The following ARHGAP45 variants were observed in gnomAD, a reference collection of about 807,000 sequenced individuals.
The protein encoded by ARHGAP45 is rho GTPase-activating protein 45.
Under a neutral mutation model 116.1 loss-of-function variants are expected in ARHGAP45, and 56 were observed. The ratio of observed to expected loss-of-function variants is 0.48; its 90% CI spans 0.39 to 0.60. The LOEUF (loss-of-function observed/expected upper bound fraction) is 0.60, where lower values mean the gene tolerates loss of function less well. Ranked by LOEUF, ARHGAP45 falls within the 20% of genes least tolerant of loss-of-function variation. ARHGAP45 has a pLI of 0.00. For missense variants in ARHGAP45, 1,622 were observed against 1,601.0 expected (o/e 1.01, Z -0.22); for synonymous variants, 866 against 701.7 (o/e 1.23, Z -3.70).
chr19:1,080,303 G>A lies in ARHGAP45; in HGVS notation c.1752G>A (p.Val584=). The stretch of plus-strand genomic sequence containing the variant: ...AGAGCAGCTTCAACGTGAGTGATGT[G>A]GCGCGGCCGGAGGCTGCCGGGAGCC... The part of the protein sequence containing the change: ...ARKSSFNVSD[V]ARPEAAGSPP... Residue 584 remains valine (V), a synonymous_variant, in exon 14 of 23, where the codon GTG becomes GTA. Coordinates refer to ENST00000313093, the MANE Select transcript of ARHGAP45 (RefSeq NM_012292.5). The A allele has an allele frequency of 1.2e-6, 2 of 1,612,288 alleles. No homozygotes were observed. The highest frequency in any genetic ancestry group is 2.2e-5 in the South Asian group (2 of 91,074).
rs1168888958 is a variant in ARHGAP45 at position 1,069,519 on chromosome 19, G to A, written c.421+775G>A. 6.6e-6 allele frequency among the ~76,000 whole-genome samples: 1 copy of A among 151,998 alleles called. No homozygotes were observed. Among genetic ancestry groups the A allele is most frequent in the Non-Finnish European group, 1.5e-5 (1 of 68,038 alleles). ...CAGATGACGAAACTAAGTCTCTAGT[G>A]AGGCCCTGACCCCTGGCTCACCCAG... On this transcript the variant is annotated intron_variant, in intron 2 of 22. Coordinates refer to ENST00000313093, the MANE Select transcript of ARHGAP45 (RefSeq NM_012292.5). The surrounding 1 kb of genome is among the most constrained non-coding windows in gnomAD (Gnocchi z 4.1).
chr19:1,071,156 AC>A lies in ARHGAP45; in HGVS notation c.422-1989del. The stretch of plus-strand genomic sequence containing the variant: ...AAGGACCCAGGCTGGGGCGAACGGG[AC>A]CCCAGGGCGGGGTTTCCCTCGCGGG... On this transcript the variant is annotated intron_variant, in intron 2 of 22. Coordinates refer to ENST00000313093, the MANE Select transcript of ARHGAP45 (RefSeq NM_012292.5). The surrounding 1 kb of genome is among the most constrained non-coding windows in gnomAD (Gnocchi z 4.6). 7.7e-7 allele frequency: 1 copy of A among 1,305,276 alleles called. No homozygotes were observed. The highest frequency in any genetic ancestry group is 4.0e-5 in the Admixed American group (1 of 25,166). 80.9% of individuals were successfully genotyped at this position (1,305,276 alleles called of 1,614,324 possible).
intron 16 of ARHGAP45, 39 bp from the exon 17 acceptor site, chr19:1,080,853 A>G (rs2043413089): frequency 6.2e-7 from 1 of 1,606,808 alleles, no homozygotes; most frequent in African/African-American, 1.3e-5. Context: ...CCTGGCCCTG[A>G]GCTGCCTTGG....
chr19:1,077,065 G>T, intron 10 of ARHGAP45: 1 of 985,282 alleles, frequency 1.0e-6, no homozygotes, highest in Non-Finnish European at 1.2e-6. Flanking sequence ...TTGTTTGTGT[G>T]CGAATCTGAT....
At chr19:1,082,149 C>T (rs1359218079) in intron 19 of ARHGAP45, among the ~76,000 whole-genome samples, 188 bp downstream of exon 19, 3 of 146,872 alleles carry the variant, frequency 2.0e-5, no homozygotes, top group Admixed American at 6.8e-5. Flanking sequence ...GGGGCGTGGT[C>T]ACGGTAGGAG....
intron 10 of ARHGAP45, 117 bp from the exon 11 acceptor site, chr19:1,077,740 C>G (rs1172354720): frequency 1.3e-6 from 2 of 1,530,624 alleles, no homozygotes; most frequent in South Asian, 1.2e-5. Context: ...GCATGCCCAG[C>G]TGGGCCATGG....
At position 1,083,474 on chromosome 19, in the gene ARHGAP45, A is replaced by G. The variant is rs2077259106; in HGVS notation, c.2955+121A>G. The G allele has an allele frequency of 3.4e-6, 3 of 879,990 alleles. No individual in the cohort carries two copies. In the Admixed American group the frequency reaches 7.4e-5, roughly 22 times the overall value. 54.5% of individuals were successfully genotyped at this position (879,990 alleles called of 1,614,324 possible). On this transcript the variant is annotated intron_variant, in intron 21 of 22. Coordinates refer to ENST00000313093, the MANE Select transcript of ARHGAP45 (RefSeq NM_012292.5). Reference sequence around the variant, plus strand: ...CACAGGGAGATAATTTGGTTTGGACAGGGCTGTTCGGGAGGCCACTGTCTT... The same window carrying G: ...CACAGGGAGATAATTTGGTTTGGACGGGGCTGTTCGGGAGGCCACTGTCTT...
In ARHGAP45 at chr19:1,085,650, C is replaced by T. The variant is rs1360814393; in HGVS notation, c.3065-10C>T. On this transcript the variant is annotated splice_polypyrimidine_tract_variant and intron_variant, in intron 22 of 22. Transcript: ENST00000313093. ...TCTGTCTCCCCCCGCCATCTGTCTCCCTTTCTTAGAATCCCGAGTTGTGTC... is the reference window on the plus strand; with the variant it reads ...TCTGTCTCCCCCCGCCATCTGTCTCTCTTTCTTAGAATCCCGAGTTGTGTC... The T allele has an allele frequency of 3.2e-6, 5 of 1,544,282 alleles. No individual in the cohort carries two copies. In the East Asian group the frequency reaches 6.9e-5, roughly 21 times the overall value.
chr19:1,070,455 C>T (rs2043119674), intron 2 of ARHGAP45, among the ~76,000 whole-genome samples: 1 of 149,396 alleles, frequency 6.7e-6, no homozygotes, highest in South Asian at 2.1e-4. Flanking sequence ...CTCAGCCTCC[C>T]GAGTGGCTGG....
In ARHGAP45 at chr19:1,085,399, GAC is replaced by G. The variant is rs372652936; in HGVS notation, c.3065-257_3065-256del. ...AGCTACAAGATGAGGTTTGGGTGGG[GAC>G]ACAGAGCCAGACCCTATCAACACCT... On this transcript the variant is annotated intron_variant, in intron 22 of 22. Coordinates refer to ENST00000313093, the MANE Select transcript of ARHGAP45 (RefSeq NM_012292.5). Among the ~76,000 whole-genome samples, 98 of 152,132 alleles carry G rather than the reference GAC, an allele frequency of 6.4e-4. No homozygotes were observed. The East Asian group carries it at 0.015, about 24-fold the overall frequency.
chr19:1,083,491 C>T (rs2043508173), intron 21 of ARHGAP45, 138 bp downstream of exon 21: 1 of 732,632 alleles, frequency 1.4e-6, no homozygotes. Context: ...TTCGGGAGGC[C>T]ACTGTCTTTT....
At chr19:1,067,161 G>T, upstream of ARHGAP45, 1 of 1,220,594 alleles carries the variant, frequency 8.2e-7, no homozygotes, top group East Asian at 3.5e-5. Context: ...CCTCACCTTC[G>T]CGCCCACTCC....
At position 1,074,895 on chromosome 19, in the gene ARHGAP45, G is replaced by A. The variant is rs1200810847; in HGVS notation, c.1185+16G>A. The A allele has an allele frequency of 5.5e-6, 8 of 1,455,300 alleles. No individual in the cohort carries two copies. The highest frequency in any genetic ancestry group is 7.4e-6 in the Non-Finnish European group (8 of 1,079,772). The allele number at this position is 1,455,300 out of a possible 1,614,324, so 90.1% of individuals were successfully genotyped here. ...GAGGAAGCTGGTGAGGCGGGCGGGC[G>A]GGGGCGGGCGGGGGCGGGCAGCGGG... On this transcript the variant is annotated intron_variant, in intron 10 of 22. Transcript: ENST00000313093.
chr19:1,074,019 G>A lies in ARHGAP45; in HGVS notation c.790+5G>A. Reference sequence around the variant, plus strand: ...GCCTGGAAGACTGTGACGCCGGTAAGCCCCCACCCAGCGGCAGGCAGGCAT... The same window carrying A: ...GCCTGGAAGACTGTGACGCCGGTAAACCCCCACCCAGCGGCAGGCAGGCAT... On this transcript the variant is annotated splice_donor_5th_base_variant and intron_variant, in intron 6 of 22. Transcript: ENST00000313093. 6.3e-7 allele frequency: 1 copy of A among 1,597,248 alleles called. No homozygotes were observed. Among genetic ancestry groups the A allele is most frequent in the South Asian group, 1.1e-5 (1 of 89,048 alleles).
chr19:1,082,252 A>G (rs1599770635), intron 19 of ARHGAP45, among the ~76,000 whole-genome samples: 1 of 101,398 alleles, frequency 9.9e-6, no homozygotes, highest in African/African-American at 3.8e-5. Context: ...TGGCCACGGC[A>G]GAGGCACACC....
Position 1,071,293 on chromosome 19 carries a change from G to C in ARHGAP45, c.422-1856G>C. ...CCGCGCCCCGACGGCTGCGCCATGT[G>C]TATCTGCGGGACGGCGCACCCGGTG... On this transcript the variant is annotated intron_variant, in intron 2 of 22. Coordinates refer to ENST00000313093, the MANE Select transcript of ARHGAP45 (RefSeq NM_012292.5). This position sits in a 1 kb window ranked among gnomAD's most constrained non-coding sequence, Gnocchi z 4.6. The C allele has an allele frequency of 6.8e-7, 1 of 1,476,228 alleles. No individual in the cohort carries two copies. The highest frequency in any genetic ancestry group is 8.9e-7 in the Non-Finnish European group (1 of 1,118,898). The allele number at this position is 1,476,228 out of a possible 1,614,324, so 91.4% of individuals were successfully genotyped here.
intron 10 of ARHGAP45, chr19:1,077,515 C>A: frequency 1.0e-6 from 1 of 1,003,230 alleles, no homozygotes; most frequent in Non-Finnish European, 1.3e-6. Flanking sequence ...TCCCGAGTAG[C>A]TGGGATTACA....
chr19:1,085,529 C>CTCCATCTCTCCTGTCTCTCCT lies in ARHGAP45; in HGVS notation c.3065-131_3065-130insTCCATCTCTCCTGTCTCTCCT, dbSNP rs147365366. ...CTCTCCTCCATCTCTCCTGTCTCTC[C>CTCCATCTCTCCTGTCTCTCCT]CCATCTCTCCTGTCTCTCCATCTCT... is the stretch of plus-strand genomic sequence containing the variant. On this transcript the variant is annotated intron_variant, in intron 22 of 22. Transcript: ENST00000313093. 2,873 of 643,548 alleles carry CTCCATCTCTCCTGTCTCTCCT rather than the reference C, an allele frequency of 4.5e-3. 103 individuals are homozygous for CTCCATCTCTCCTGTCTCTCCT. In the African/African-American group the frequency reaches 0.052, roughly 12 times the overall value. 39.9% of individuals were successfully genotyped at this position (643,548 alleles called of 1,614,324 possible). A position where few individuals can be genotyped will look rare whatever the true frequency, so the allele number is the denominator to read the frequency against.
At chr19:1,081,789 G>T in intron 18 of ARHGAP45, 35 bp from the exon 19 acceptor site, 1 of 1,585,120 alleles carries the variant, frequency 6.3e-7, no homozygotes, top group East Asian at 2.3e-5. Context: ...AGTGGGCCGA[G>T]GCTGATGGGC....
Sources: allele counts gnomAD v4.1 joint callset (sites outside exome capture counted in the v4.1 genomes callset), GRCh38; gene constraint gnomAD v4.1.1; non-coding constraint Gnocchi (gnomAD v3.1); transcripts MANE v1.5; gene names NCBI Gene and HGNC (gene_info 2026-07-23, HGNC 2026-07-21).